IMMP2L: variants seen among roughly 807,000 people sequenced by gnomAD.
IMMP2L encodes the protein mitochondrial inner membrane protease subunit 2.
IMMP2L carries 18 observed loss-of-function variants against 19.3 expected under a neutral mutation model. That is an observed-to-expected ratio of 0.93 (90% CI 0.64 to 1.38). The LOEUF (loss-of-function observed/expected upper bound fraction) is 1.38, where lower values mean the gene tolerates loss of function less well. IMMP2L is among the 40% of genes most tolerant of loss of function. The probability of loss-of-function intolerance (pLI) is 0.00; values close to 1 mark genes in which losing one functional copy is unlikely to be tolerated. For synonymous variants in IMMP2L, 76 were observed against 73.0 expected, an observed-to-expected ratio of 1.04 and a Z score of -0.21; for missense variants, 233 against 218.2, an observed-to-expected ratio of 1.07 and a Z score of -0.43.
chr7:110,675,768 T>A (rs1460339390), intron 5 of IMMP2L, among the ~76,000 whole-genome samples: 2 of 152,142 alleles, frequency 1.3e-5, no homozygotes, highest in African/African-American at 2.4e-5. Flanking sequence ...TTTAAGAAAT[T>A]CCCTAAGCAT....
intron 3 of IMMP2L, among the ~76,000 whole-genome samples, chr7:111,038,022 T>C (rs1791517863): frequency 6.6e-6 from 1 of 152,118 alleles, no homozygotes; most frequent in Admixed American, 6.6e-5. Context: ...CAGTGTGTGA[T>C]TGATAGATAC....
chr7:110,886,674 C>T lies in IMMP2L; in HGVS notation c.327G>A (p.Arg109=). 1 of 1,596,472 alleles carries T rather than the reference C, an allele frequency of 6.3e-7. No individual in the cohort carries two copies. ...DIVRTIGHKN[R]YVKVPRGHIW... ...TGTGACCACGGGGGACTTTGACATA[C>T]CGGTTTTTGTGTCCTATGGTTCTGG... is the stretch of plus-strand genomic sequence containing the variant. The change falls in exon 5 of 6, where the codon CGG becomes CGA. Residue 109 remains arginine (R), a synonymous_variant. Transcript: ENST00000405709.
chr7:111,362,238 G>A (rs544030924), intron 3 of IMMP2L, among the ~76,000 whole-genome samples: 18 of 151,926 alleles, frequency 1.2e-4, no homozygotes, highest in South Asian at 4.2e-4. Context: ...TAATGTAATC[G>A]TTTTTATTTC....
chr7:111,451,243 C>T (rs1404194222), intron 3 of IMMP2L, among the ~76,000 whole-genome samples: 1 of 147,002 alleles, frequency 6.8e-6, no homozygotes, highest in Admixed American at 6.7e-5. Flanking sequence ...AATCATGCTG[C>T]TATAAAGACA....
At chr7:111,389,513 T>G (rs1277509262) in intron 3 of IMMP2L, among the ~76,000 whole-genome samples, 1 of 151,946 alleles carries the variant, frequency 6.6e-6, no homozygotes, top group African/African-American at 2.4e-5. Context: ...TGGGGCATCA[T>G]GTCTCCAATG....
In IMMP2L at chr7:111,105,038, T is replaced by C. The variant is rs905822689; in HGVS notation, c.240-141473A>G. 7.2e-5 allele frequency among the ~76,000 whole-genome samples: 11 copies of C among 151,854 alleles called. No individual in the cohort carries two copies. In the South Asian group the frequency reaches 1.4e-3, roughly 20 times the overall value. Reference sequence around the variant, plus strand: ...TGCAAAGAGCAGAGAGGCATGACCATAGAATTCCAGAAGCTCCCAGTCCAG... The same window carrying C: ...TGCAAAGAGCAGAGAGGCATGACCACAGAATTCCAGAAGCTCCCAGTCCAG... On this transcript the variant is annotated intron_variant, in intron 3 of 5. Transcript: ENST00000405709.
At chr7:111,397,204 T>C (rs1175399818) in intron 3 of IMMP2L, among the ~76,000 whole-genome samples, 1 of 152,206 alleles carries the variant, frequency 6.6e-6, no homozygotes, top group East Asian at 1.9e-4. Flanking sequence ...ATATATACTA[T>C]ATTTTTCAAA....
chr7:111,430,368 A>G (rs892873486), intron 3 of IMMP2L, among the ~76,000 whole-genome samples: 8 of 151,790 alleles, frequency 5.3e-5, no homozygotes, highest in Admixed American at 3.3e-4. Flanking sequence ...TAAAAAAATA[A>G]AAAGCATATA....
chr7:110,973,126 T>C (rs1421405004), intron 3 of IMMP2L, among the ~76,000 whole-genome samples: 1 of 152,030 alleles, frequency 6.6e-6, no homozygotes, highest in African/African-American at 2.4e-5. Flanking sequence ...TAGTCAATAA[T>C]AATGTATTAT....
intron 4 of IMMP2L, among the ~76,000 whole-genome samples, chr7:110,950,213 G>C (rs1314465199): frequency 2.0e-5 from 3 of 152,044 alleles, no homozygotes; most frequent in South Asian, 2.1e-4. Flanking sequence ...ATTTGTTAAA[G>C]AGACTGACTT....
chr7:111,554,965 T>G (rs1012552695), intron 1 of IMMP2L, among the ~76,000 whole-genome samples: 3 of 152,062 alleles, frequency 2.0e-5, no homozygotes, highest in African/African-American at 7.2e-5. Context: ...CAAATTTTTT[T>G]TGTGAAAAAT....
intron 3 of IMMP2L, among the ~76,000 whole-genome samples, chr7:111,043,703 T>G (rs1012965039): frequency 6.6e-6 from 1 of 152,204 alleles, no homozygotes; most frequent in Non-Finnish European, 1.5e-5. Flanking sequence ...CCAGAAATAA[T>G]TATATCAGTG....
At chr7:111,545,681 T>C (rs556237282) in intron 1 of IMMP2L, among the ~76,000 whole-genome samples, 3 of 152,328 alleles carry the variant, frequency 2.0e-5, no homozygotes, top group African/African-American at 7.2e-5. Flanking sequence ...CCTTATCAGA[T>C]ACATGAACTG....
chr7:111,328,704 G>A (rs1825582491), intron 3 of IMMP2L, among the ~76,000 whole-genome samples: 1 of 151,770 alleles, frequency 6.6e-6, no homozygotes, highest in South Asian at 2.1e-4. Context: ...AGAGAGAGAT[G>A]TATAGCTTGA....
chr7:110,715,772 T>C (rs1289852837), intron 5 of IMMP2L, among the ~76,000 whole-genome samples: 1 of 152,266 alleles, frequency 6.6e-6, no homozygotes, highest in African/African-American at 2.4e-5. Flanking sequence ...TTAGGTCCAA[T>C]TGGTCAAGTA....
intron 4 of IMMP2L, among the ~76,000 whole-genome samples, chr7:110,955,862 A>G (rs547132126): frequency 1.4e-5 from 2 of 143,022 alleles, no homozygotes; most frequent in East Asian, 3.9e-4. Flanking sequence ...TGAATGCATG[A>G]TCTTCAAGAA....
intron 5 of IMMP2L, among the ~76,000 whole-genome samples, chr7:110,867,232 G>T (rs1411128046): frequency 6.6e-6 from 1 of 151,892 alleles, no homozygotes; most frequent in Non-Finnish European, 1.5e-5. Context: ...ACTTGCTGAT[G>T]GCTGCCTTCT....
At chr7:111,195,710 C>G (rs551958891) in intron 3 of IMMP2L, among the ~76,000 whole-genome samples, 2 of 112 alleles carry the variant, frequency 0.018, no homozygotes, top group African/African-American at 0.056. Flanking sequence ...GTCGACGATT[C>G]TAAAATCCAT....
At chr7:111,271,312 G>T (rs1160720160) in intron 3 of IMMP2L, among the ~76,000 whole-genome samples, 1 of 152,104 alleles carries the variant, frequency 6.6e-6, no homozygotes, top group Non-Finnish European at 1.5e-5. Context: ...CCAGTCTTGG[G>T]CAGTCCTTTA....
Sources: allele counts gnomAD v4.1 joint callset (sites outside exome capture counted in the v4.1 genomes callset), GRCh38; gene constraint gnomAD v4.1.1; transcripts MANE v1.5; gene names NCBI Gene and HGNC (gene_info 2026-07-23, HGNC 2026-07-21).